Variants in CEP63 observed in about 807,000 individuals in gnomAD.
The protein encoded by CEP63 is centrosomal protein of 63 kDa.
In CEP63, 84 loss-of-function variants were observed where a neutral mutation model predicts 89.1. The observed-to-expected ratio is 0.94, with a 90% CI of 0.79 to 1.13. The LOEUF is 1.13. CEP63 is among the 50% of genes most tolerant of loss of function. CEP63 has a pLI of 0.00. For synonymous variants in CEP63, 267 were observed against 272.5 expected, an observed-to-expected ratio of 0.98 and a Z score of 0.20; for missense variants, 838 against 813.3, an observed-to-expected ratio of 1.03 and a Z score of -0.37.
the CEP63 span, among the ~76,000 whole-genome samples, chr3:134,697,406 C>A: frequency 2.0e-4 from 31 of 152,224 alleles, no homozygotes; most frequent in Non-Finnish European, 3.7e-4. Context: ...CAGGGGCAGA[C>A]CCTCTGGCAT....
In CEP63 at chr3:134,547,473, G is replaced by A. The variant is rs937242544; in HGVS notation, c.1067+1G>A. The A allele has an allele frequency of 2.5e-6, 4 of 1,613,126 alleles. No individual in the cohort carries two copies. In the Admixed American group the frequency reaches 6.7e-5, roughly 27 times the overall value. On this transcript the variant is annotated splice_donor_variant, in intron 9 of 14. Coordinates refer to ENST00000675561, the MANE Select transcript of CEP63 (RefSeq NM_001353108.3). LOFTEE classifies it high-confidence loss of function. Reference sequence around the variant, plus strand: ...CAGAGGTGACTTGTCTTGAAGGCAGGTACATAATTATACACACATTTCAAA... The same window carrying A: ...CAGAGGTGACTTGTCTTGAAGGCAGATACATAATTATACACACATTTCAAA...
chr3:134,601,165 T>C, the CEP63 span: 1 of 152,194 alleles, frequency 6.6e-6, no homozygotes, highest in African/African-American at 2.4e-5. Context: ...TTAGATTTCA[T>C]TTCATGTATT....
the CEP63 span, among the ~76,000 whole-genome samples, chr3:134,711,217 C>T: frequency 1.3e-5 from 2 of 152,196 alleles, no homozygotes; most frequent in Non-Finnish European, 2.9e-5. Context: ...TTTCTTTTCT[C>T]CAAAACTTAT....
chr3:134,620,916 A>G, the CEP63 span: 3 of 1,016,912 alleles, frequency 3.0e-6, no homozygotes, highest in East Asian at 7.7e-5. Flanking sequence ...TTGGGGGCCC[A>G]GCATCTTGCA....
intron 1 of CEP63, chr3:134,486,478 G>A (rs1366796202): frequency 2.0e-6 from 2 of 985,630 alleles, no homozygotes; most frequent in Non-Finnish European, 2.4e-6. Context: ...GGCGCAGCCC[G>A]GCGTGGGGTT....
chr3:134,696,210 GT>G, the CEP63 span, among the ~76,000 whole-genome samples: 1 of 152,242 alleles, frequency 6.6e-6, no homozygotes, highest in African/African-American at 2.4e-5. Context: ...ACATGTCGCT[GT>G]GGGCAGTGTT....
intron 2 of CEP63, among the ~76,000 whole-genome samples, chr3:134,503,067 G>A (rs1299777261): frequency 7.1e-6 from 1 of 140,906 alleles, no homozygotes; most frequent in Admixed American, 7.0e-5. Context: ...TTATTGCACT[G>A]TGGTCTGAGA....
At chr3:134,766,626 G>T in the CEP63 span, among the ~76,000 whole-genome samples, 1 of 152,230 alleles carries the variant, frequency 6.6e-6, no homozygotes, top group Non-Finnish European at 1.5e-5. Flanking sequence ...TATGAACATA[G>T]GAACTGGAGA....
At chr3:134,629,665 C>G in the CEP63 span, 1 of 1,598,948 alleles carries the variant, frequency 6.3e-7, no homozygotes, top group Middle Eastern at 1.7e-4. Flanking sequence ...CATGGCATCT[C>G]GAGGGTGGAC....
At chr3:134,531,606 G>C (rs1225171525) in intron 3 of CEP63, among the ~76,000 whole-genome samples, 1 of 152,040 alleles carries the variant, frequency 6.6e-6, no homozygotes, top group East Asian at 1.9e-4. Flanking sequence ...AAAAGAGAGA[G>C]AGTCTTCATC....
At chr3:134,597,004 G>A in the CEP63 span, among the ~76,000 whole-genome samples, 1 of 152,164 alleles carries the variant, frequency 6.6e-6, no homozygotes, top group East Asian at 1.9e-4. Flanking sequence ...TATAAAGCAC[G>A]CTGGTGGGAG....
At chr3:134,688,104 C>A in the CEP63 span, among the ~76,000 whole-genome samples, 3,164 of 152,258 alleles carry the variant, frequency 0.021, 104 homozygotes, top group African/African-American at 0.071. Context: ...TACATAAAAT[C>A]TTGTATGAGA....
chr3:134,622,528 G>T, the CEP63 span, among the ~76,000 whole-genome samples: 1 of 152,158 alleles, frequency 6.6e-6, no homozygotes, highest in Non-Finnish European at 1.5e-5. Flanking sequence ...TTCATAGACA[G>T]TAAGTAGAGA....
chr3:134,489,850 G>A (rs180849838), intron 1 of CEP63, among the ~76,000 whole-genome samples: 25 of 152,270 alleles, frequency 1.6e-4, no homozygotes, highest in Non-Finnish European at 2.8e-4. Context: ...CTATAATCAT[G>A]AACTTATAGA....
chr3:134,551,508 A>T (rs993840747), intron 11 of CEP63, among the ~76,000 whole-genome samples: 8 of 152,086 alleles, frequency 5.3e-5, no homozygotes, highest in Non-Finnish European at 1.5e-5. Flanking sequence ...ACTGAATATA[A>T]GTTGTTATTT....
chr3:134,619,746 T>C, the CEP63 span, among the ~76,000 whole-genome samples: 3,913 of 152,344 alleles, frequency 0.026, 69 homozygotes, highest in South Asian at 0.054. Context: ...AGGCCTGTGG[T>C]GAGGCCCTAA....
At chr3:134,644,750 G>A in the CEP63 span, among the ~76,000 whole-genome samples, 4 of 152,220 alleles carry the variant, frequency 2.6e-5, no homozygotes, top group Non-Finnish European at 4.4e-5. Context: ...CAATCAAGGT[G>A]GGGGGTGAGG....
At chr3:134,604,170 C>T in the CEP63 span, 3,549 of 1,609,584 alleles carry the variant, frequency 2.2e-3, 6 homozygotes, top group Non-Finnish European at 2.8e-3. Context: ...GGTGGGAGGG[C>T]TTCATGATGC....
At chr3:134,556,302 T>C (rs543755744) in intron 12 of CEP63, among the ~76,000 whole-genome samples, 84 of 151,962 alleles carry the variant, frequency 5.5e-4, no homozygotes, top group African/African-American at 1.8e-3. Flanking sequence ...AGAGCTTCTG[T>C]ACAGCAAAAG....
Sources: gnomAD v4.1 joint callset for allele counts (sites outside exome capture counted in the v4.1 genomes callset) on GRCh38, gnomAD v4.1.1 for gene constraint, MANE v1.5 for transcripts, NCBI Gene and HGNC (gene_info 2026-07-23, HGNC 2026-07-21) for gene names.